The following HDAC8 variants were observed in gnomAD, a reference collection of about 807,000 sequenced individuals.
HDAC8 encodes histone deacetylase 8, also known as histone deacetylase-like 1.
In HDAC8, 1 loss-of-function variant was observed where a neutral mutation model predicts 32.2. The observed-to-expected ratio is 0.03, with a 90% CI of 0.01 to 0.15. HDAC8 has a LOEUF of 0.15. Among genes scored for constraint, HDAC8 ranks in the 10% least tolerant of loss-of-function variants. The pLI, the probability that HDAC8 is intolerant of heterozygous loss-of-function variation, is 1.00. For synonymous variants in HDAC8, 108 were observed against 113.9 expected, an observed-to-expected ratio of 0.95 and a Z score of 0.33; for missense variants, 117 against 300.0, an observed-to-expected ratio of 0.39 and a Z score of 4.51.
chrX:72,498,388 T>C (rs2049099518), intron 4 of HDAC8, among the ~76,000 whole-genome samples: 1 of 111,721 alleles, frequency 9.0e-6, no homozygotes, highest in Admixed American at 9.5e-5. Flanking sequence ...TACAGATTCA[T>C]TAGTGCTCTC....
At chrX:72,486,723 A>G (rs1556005912) in intron 7 of HDAC8, among the ~76,000 whole-genome samples, 8 of 111,804 alleles carry the variant, frequency 7.2e-5, no homozygotes. Flanking sequence ...TCTATAGTAC[A>G]GCAGGGGTGA....
chrX:72,411,121 G>A (rs377637492), intron 9 of HDAC8, among the ~76,000 whole-genome samples: 1 of 108,635 alleles, frequency 9.2e-6, no homozygotes, highest in Admixed American at 9.9e-5. Flanking sequence ...TGCCTGCTGG[G>A]TTCAAGCAAT....
At chrX:72,433,725 T>C (rs1423482681) in intron 9 of HDAC8, among the ~76,000 whole-genome samples, 1 of 112,132 alleles carries the variant, frequency 8.9e-6, no homozygotes, top group African/African-American at 3.2e-5. Flanking sequence ...CTTTTAAAAA[T>C]GTCATTTTGT....
intron 10 of HDAC8, among the ~76,000 whole-genome samples, chrX:72,350,022 G>A (rs1555948267): frequency 9.0e-6 from 1 of 111,622 alleles, no homozygotes; most frequent in African/African-American, 3.3e-5. Context: ...TACCAGGTTT[G>A]AGGGGAGCAG....
rs989851643 is a variant in HDAC8, at chrX:72,465,416, C to T, written c.738-685G>A. On this transcript the variant is annotated intron_variant, in intron 7 of 10. Coordinates refer to ENST00000373573, the MANE Select transcript of HDAC8 (RefSeq NM_018486.3). Reference sequence around the variant, plus strand: ...GAATCATTCAGTGCTACCTACTCAACCTAGCTGTTTTTTTTTTTTTGATAG... The same window carrying T: ...GAATCATTCAGTGCTACCTACTCAATCTAGCTGTTTTTTTTTTTTTGATAG... Among the ~76,000 whole-genome samples the T allele has an allele frequency of 4.7e-5, 5 of 107,190 alleles. No homozygotes were observed. In the Admixed American group the frequency reaches 4.9e-4, roughly 10 times the overall value. The allele number at this position is 107,190 out of a possible 115,157, so 93.1% of individuals were successfully genotyped here. A position where few individuals can be genotyped will look rare whatever the true frequency, so the allele number is the denominator to read the frequency against.
rs370358899 is a variant in HDAC8, at chrX:72,457,169, G to GA, written c.1005+4834dup. Among the ~76,000 whole-genome samples, 227 of 106,527 alleles carry GA rather than the reference G, an allele frequency of 2.1e-3. 1 individual carries two copies. Among genetic ancestry groups the GA allele is most frequent in the Non-Finnish European group, 3.6e-3 (182 of 51,258 alleles). 92.5% of individuals were successfully genotyped at this position (106,527 alleles called of 115,157 possible). On this transcript the variant is annotated intron_variant, in intron 9 of 10. Coordinates refer to ENST00000373573, the MANE Select transcript of HDAC8 (RefSeq NM_018486.3). Reference sequence around the variant, plus strand: ...TGACAAAATCAGTACTCATTTGTGAGAAAAAAAAAAGTCTCAGTAAATTAG... The same window carrying GA: ...TGACAAAATCAGTACTCATTTGTGAGAAAAAAAAAAAGTCTCAGTAAATTAG...
At chrX:72,379,443 C>T (rs2045197698) in intron 9 of HDAC8, among the ~76,000 whole-genome samples, 1 of 107,156 alleles carries the variant, frequency 9.3e-6, no homozygotes, top group Admixed American at 1.0e-4. Flanking sequence ...AATTCTCCCT[C>T]TCCCCAGAGT....
intron 9 of HDAC8, 140 bp from the exon 10 acceptor site, chrX:72,351,978 A>C: frequency 2.2e-6 from 1 of 445,251 alleles, no homozygotes; most frequent in Non-Finnish European, 3.9e-6. Context: ...ATGATGCAGC[A>C]GGAAGCCCTG....
Position 72,329,913 on chromosome X carries a change from A to C in HDAC8, c.*141T>G. 1.2e-6 allele frequency: 1 copy of C among 821,086 alleles called. No individual in the cohort carries two copies. Among genetic ancestry groups the C allele is most frequent in the Non-Finnish European group, 1.8e-6 (1 of 564,130 alleles). 67.7% of individuals were successfully genotyped at this position (821,086 alleles called of 1,213,427 possible). A position where few individuals can be genotyped will look rare whatever the true frequency, so the allele number is the denominator to read the frequency against. The stretch of plus-strand genomic sequence containing the variant: ...ACCCCAGGAAGCCAGCTGCCACTTG[A>C]TGCCCCTTGGAAATTTTCAGGAAGT... On this transcript the variant is annotated 3_prime_UTR_variant, in exon 11 of 11. Transcript: ENST00000373573.
chrX:72,560,165 G>A (rs1439605356), intron 4 of HDAC8, among the ~76,000 whole-genome samples: 1 of 112,327 alleles, frequency 8.9e-6, no homozygotes, highest in African/African-American at 3.2e-5. Context: ...GATTGTTGCT[G>A]TGTCCGTGTA....
chrX:72,426,634 T>C (rs781876523), intron 9 of HDAC8, among the ~76,000 whole-genome samples: 1 of 111,873 alleles, frequency 8.9e-6, no homozygotes, highest in South Asian at 3.8e-4. Context: ...ATAAAAGTTG[T>C]GCAAAATGGC....
chrX:72,384,678 GT>G (rs1481144958), intron 9 of HDAC8, among the ~76,000 whole-genome samples: 27 of 112,183 alleles, frequency 2.4e-4, no homozygotes, highest in Non-Finnish European at 4.9e-4. Context: ...TAAAACCATT[GT>G]ATTGAAAAAG....
At chrX:72,425,531 G>A (rs188235753) in intron 9 of HDAC8, among the ~76,000 whole-genome samples, 1 of 112,208 alleles carries the variant, frequency 8.9e-6, no homozygotes, top group African/African-American at 3.2e-5. Flanking sequence ...TTCTGTAAGT[G>A]TCAATGAGAT....
At chrX:72,543,124 G>A (rs782081045) in intron 4 of HDAC8, among the ~76,000 whole-genome samples, 4 of 111,641 alleles carry the variant, frequency 3.6e-5, no homozygotes, top group Non-Finnish European at 7.5e-5. Context: ...TATGCTGAAG[G>A]CTAACTGGCT....
chrX:72,374,334 A>G (rs1229617900), intron 9 of HDAC8, among the ~76,000 whole-genome samples: 1 of 111,699 alleles, frequency 9.0e-6, no homozygotes, highest in Non-Finnish European at 1.9e-5. Context: ...TACAGGCATG[A>G]GCCACTGCAC....
intron 4 of HDAC8, among the ~76,000 whole-genome samples, chrX:72,546,817 A>T (rs1255559737): frequency 9.0e-6 from 1 of 110,955 alleles, no homozygotes; most frequent in African/African-American, 3.3e-5. Context: ...CTCATTCTTG[A>T]CTTCTTTCGC....
Position 72,421,202 on chromosome X carries a change from C to CT in HDAC8, c.1005+40801dup, listed in dbSNP as rs1330659045. On this transcript the variant is annotated intron_variant, in intron 9 of 10. Coordinates refer to ENST00000373573, the MANE Select transcript of HDAC8 (RefSeq NM_018486.3). ...ACAATCTAGTTTGAATTGATACCAA[C>CT]TTTTTTTTTTTAATTTTTAAAATGT... Among the ~76,000 whole-genome samples, 42 of 106,496 alleles carry CT rather than the reference C, an allele frequency of 3.9e-4. No homozygotes were observed. In the South Asian group the frequency reaches 5.2e-3, roughly 13 times the overall value. The allele number at this position is 106,496 out of a possible 115,157, so 92.5% of individuals were successfully genotyped here.
At chrX:72,388,934 A>G (rs2045535684) in intron 9 of HDAC8, among the ~76,000 whole-genome samples, 1 of 112,130 alleles carries the variant, frequency 8.9e-6, no homozygotes, top group Non-Finnish European at 1.9e-5. Context: ...CAGAATTGTG[A>G]GAAAATAAAT....
At chrX:72,463,196 C>G (rs1469911226) in intron 8 of HDAC8, among the ~76,000 whole-genome samples, 1 of 111,341 alleles carries the variant, frequency 9.0e-6, no homozygotes, top group African/African-American at 3.3e-5. Flanking sequence ...AAAAATCTGA[C>G]TTTATAAGAT....
Sources: gnomAD v4.1 joint callset for allele counts (sites outside exome capture counted in the v4.1 genomes callset) on GRCh38, gnomAD v4.1.1 for gene constraint, MANE v1.5 for transcripts, NCBI Gene and HGNC (gene_info 2026-07-23, HGNC 2026-07-21) for gene names.